ATXN10: variants seen among roughly 807,000 people sequenced by gnomAD.
The protein encoded by ATXN10 is ataxin 10.
In ATXN10, 28 loss-of-function variants were observed where a neutral mutation model predicts 52.9. The observed-to-expected ratio is 0.53, with a 90% CI of 0.39 to 0.73. The LOEUF is 0.73. ATXN10 is among the 30% of genes least tolerant of loss of function. The pLI is 0.00. For synonymous variants in ATXN10, 226 were observed against 221.5 expected, an observed-to-expected ratio of 1.02 and a Z score of -0.18; for missense variants, 565 against 577.0, an observed-to-expected ratio of 0.98 and a Z score of 0.21.
At chr22:45,693,356 T>C (rs1480561267) in intron 3 of ATXN10, among the ~76,000 whole-genome samples, 1 of 152,162 alleles carries the variant, frequency 6.6e-6, no homozygotes, top group East Asian at 1.9e-4. Context: ...CAGAAATGTA[T>C]TGCTTACAGT....
intron 10 of ATXN10, among the ~76,000 whole-genome samples, chr22:45,811,528 A>G (rs989012182): frequency 1.9e-4 from 29 of 152,220 alleles, no homozygotes; most frequent in Admixed American, 2.0e-4. Flanking sequence ...TCATTGTATT[A>G]TAGGCACCTA....
intron 4 of ATXN10, among the ~76,000 whole-genome samples, chr22:45,700,809 T>C (rs1923813688): frequency 6.6e-6 from 1 of 152,214 alleles, no homozygotes; most frequent in South Asian, 2.1e-4. Flanking sequence ...TGAATACTGA[T>C]ATGCTGAGCA....
At chr22:45,747,702 T>G (rs1164759809) in intron 9 of ATXN10, among the ~76,000 whole-genome samples, 1 of 152,228 alleles carries the variant, frequency 6.6e-6, no homozygotes, top group Non-Finnish European at 1.5e-5. Context: ...TGTTTAAATT[T>G]GGACAAGTGT....
chr22:45,791,245 AG>A (rs1484546303), intron 9 of ATXN10, among the ~76,000 whole-genome samples: 1 of 152,208 alleles, frequency 6.6e-6, no homozygotes, highest in East Asian at 1.9e-4. Context: ...ACATCATTCT[AG>A]TTCCTCTTTG....
At chr22:45,815,346 G>A (rs1243348835) in intron 10 of ATXN10, among the ~76,000 whole-genome samples, 1 of 152,194 alleles carries the variant, frequency 6.6e-6, no homozygotes, top group Non-Finnish European at 1.5e-5. Flanking sequence ...GTAGGGATTG[G>A]CAGGGGAGGA....
intron 5 of ATXN10, among the ~76,000 whole-genome samples, chr22:45,717,798 C>G (rs1412827264): frequency 2.6e-5 from 4 of 152,166 alleles, no homozygotes; most frequent in Admixed American, 2.6e-4. Flanking sequence ...CAGATGCCCT[C>G]TGGTAAATAT....
In ATXN10 at chr22:45,683,634, A is replaced by G. The variant is rs1299687492; in HGVS notation, c.117-6078A>G. The stretch of plus-strand genomic sequence containing the variant: ...TTATGTACAAAATCTTTCTCTAAGC[A>G]TGTAAAGACATTCTCCTTATATTTT... On this transcript the variant is annotated intron_variant, in intron 1 of 11. Transcript: ENST00000252934. The surrounding 1 kb of genome is among the most constrained non-coding windows in gnomAD (Gnocchi z 4.8). 6.6e-6 allele frequency among the ~76,000 whole-genome samples: 1 copy of G among 152,224 alleles called. No homozygotes were observed. The highest frequency in any genetic ancestry group is 2.4e-5 in the African/African-American group (1 of 41,468).
chr22:45,741,123 T>C (rs1404455238), intron 9 of ATXN10, among the ~76,000 whole-genome samples: 1 of 152,202 alleles, frequency 6.6e-6, no homozygotes, highest in Non-Finnish European at 1.5e-5. Context: ...TCTGTATTTT[T>C]CTGGAGTTTT....
rs1395579297 is a variant in ATXN10, at chr22:45,775,484, T to G, written c.1174-31475T>G. Reference sequence around the variant, plus strand: ...TTGTCTTTATTCTGTTCAAACATTTTCTTGTTTACTTGTTGAAGCAGGTTC... The same window carrying G: ...TTGTCTTTATTCTGTTCAAACATTTGCTTGTTTACTTGTTGAAGCAGGTTC... On this transcript the variant is annotated intron_variant, in intron 9 of 11. Transcript: ENST00000252934. This position sits in a 1 kb window ranked among gnomAD's most constrained non-coding sequence, Gnocchi z 4.7. 1.3e-5 allele frequency among the ~76,000 whole-genome samples: 2 copies of G among 152,224 alleles called. No homozygotes were observed. Among genetic ancestry groups the G allele is most frequent in the Non-Finnish European group, 2.9e-5 (2 of 68,036 alleles).
intron 1 of ATXN10, among the ~76,000 whole-genome samples, chr22:45,687,482 T>G (rs1012985584): frequency 6.6e-6 from 1 of 152,208 alleles, no homozygotes; most frequent in Non-Finnish European, 1.5e-5. Context: ...CGCTGCTTTC[T>G]TACAGCTGTA....
At chr22:45,726,663 ATTTCT>A (rs1924882983) in intron 6 of ATXN10, among the ~76,000 whole-genome samples, 2 of 151,344 alleles carry the variant, frequency 1.3e-5, no homozygotes, top group Non-Finnish European at 3.0e-5. Context: ...GATCTTTGTT[ATTTCT>A]TTTCTTTTGC....
At chr22:45,804,736 A>G (rs1569071922) in intron 9 of ATXN10, among the ~76,000 whole-genome samples, 1 of 152,216 alleles carries the variant, frequency 6.6e-6, no homozygotes, top group East Asian at 1.9e-4. Flanking sequence ...AATTTTTTAA[A>G]AGTAGATAAA....
chr22:45,810,252 C>G lies in ATXN10; in HGVS notation c.1237+3230C>G, dbSNP rs146679283. The stretch of plus-strand genomic sequence containing the variant: ...TGAGTCTGTTTGTGGACTCTGCTTT[C>G]TTTTCCATTCATCTTTTTGTCTATC... On this transcript the variant is annotated intron_variant, in intron 10 of 11. Coordinates refer to ENST00000252934, the MANE Select transcript of ATXN10 (RefSeq NM_013236.4). Among the ~76,000 whole-genome samples, 642 of 152,318 alleles carry G rather than the reference C, an allele frequency of 4.2e-3. 1 individual carries two copies. Among genetic ancestry groups the G allele is most frequent in the African/African-American group, 0.015 (616 of 41,572 alleles).
At chr22:45,765,077 C>T (rs528943509) in intron 9 of ATXN10, among the ~76,000 whole-genome samples, 4 of 152,248 alleles carry the variant, frequency 2.6e-5, no homozygotes, top group South Asian at 4.2e-4. Context: ...TGGTGAAGCA[C>T]GTTTGAAGAA....
chr22:45,719,255 A>C (rs977870235), intron 6 of ATXN10, among the ~76,000 whole-genome samples: 8 of 152,170 alleles, frequency 5.3e-5, no homozygotes, highest in African/African-American at 1.9e-4. Context: ...AATCTCTTAA[A>C]GTTGTTAATC....
intron 1 of ATXN10, among the ~76,000 whole-genome samples, chr22:45,685,736 A>C (rs1033818226): frequency 2.6e-5 from 4 of 152,186 alleles, no homozygotes; most frequent in African/African-American, 9.7e-5. Flanking sequence ...TTACTGAATA[A>C]AAGCTTCTTT....
intron 9 of ATXN10, among the ~76,000 whole-genome samples, chr22:45,776,897 AC>A (rs1197883452): frequency 5.3e-5 from 8 of 152,176 alleles, no homozygotes; most frequent in African/African-American, 1.9e-4. Context: ...AAGGATCTGT[AC>A]CGTTTTCAGC....
intron 3 of ATXN10, among the ~76,000 whole-genome samples, chr22:45,700,014 A>G (rs959716875): frequency 6.7e-5 from 10 of 149,222 alleles, no homozygotes; most frequent in Non-Finnish European, 1.2e-4. Flanking sequence ...GTTTTGACAT[A>G]TTGGCCAGGC....
chr22:45,729,364 T>C, intron 6 of ATXN10, 61 bp from the exon 7 acceptor site: 2 of 1,562,742 alleles, frequency 1.3e-6, no homozygotes, highest in South Asian at 1.1e-5. Flanking sequence ...TTCCTAGGTA[T>C]TTTTAGCATT....
Sources: gnomAD v4.1 joint callset for allele counts (sites outside exome capture counted in the v4.1 genomes callset) on GRCh38, gnomAD v4.1.1 for gene constraint, Gnocchi (gnomAD v3.1) non-coding constraint, MANE v1.5 for transcripts, NCBI Gene and HGNC (gene_info 2026-07-23, HGNC 2026-07-21) for gene names.